The following PHKB variants were observed in gnomAD, a reference collection of about 807,000 sequenced individuals.
PHKB encodes phosphorylase b kinase regulatory subunit beta.
Under a neutral mutation model 152.1 loss-of-function variants are expected in PHKB, and 122 were observed. The ratio of observed to expected loss-of-function variants is 0.80; its 90% confidence interval spans 0.69 to 0.93. The LOEUF (loss-of-function observed/expected upper bound fraction) is 0.93. Among genes scored for constraint, PHKB ranks in the 40% least tolerant of loss-of-function variants. The pLI is 0.00. For synonymous variants in PHKB, 436 were observed against 464.9 expected (o/e 0.94, Z 0.80); for missense variants, 1,304 against 1,328.4 (o/e 0.98, Z 0.29).
intron 13 of PHKB, among the ~76,000 whole-genome samples, chr16:47,600,078 T>C (rs1972194855): frequency 6.6e-6 from 1 of 152,206 alleles, no homozygotes; most frequent in Non-Finnish European, 1.5e-5. Flanking sequence ...TTTAAAAATA[T>C]AGTATATGAC....
At chr16:47,490,973 G>T (rs552102185) in intron 1 of PHKB, among the ~76,000 whole-genome samples, 2 of 152,076 alleles carry the variant, frequency 1.3e-5, no homozygotes, top group African/African-American at 4.8e-5. Context: ...TTTAACCCTA[G>T]CCAATACTTT....
chr16:47,589,492 T>C (rs962075039), intron 10 of PHKB, among the ~76,000 whole-genome samples: 5 of 152,236 alleles, frequency 3.3e-5, no homozygotes, highest in African/African-American at 9.6e-5. Context: ...TATATAATAT[T>C]AAATACCTGT....
chr16:47,576,413 A>G (rs535274437), intron 7 of PHKB, among the ~76,000 whole-genome samples: 3 of 152,296 alleles, frequency 2.0e-5, no homozygotes, highest in Non-Finnish European at 1.5e-5. Context: ...CTACTTAGTC[A>G]TGGTGATAAT....
chr16:47,556,828 A>C (rs1971379639), intron 7 of PHKB, among the ~76,000 whole-genome samples: 1 of 152,212 alleles, frequency 6.6e-6, no homozygotes, highest in Admixed American at 6.5e-5. Flanking sequence ...TGATTGGAAT[A>C]GCTTCAGAAG....
At chr16:47,464,165 T>C (rs1969626558) in intron 1 of PHKB, 1 of 629,178 alleles carries the variant, frequency 1.6e-6, no homozygotes. Context: ...GAATGTGGCC[T>C]ATTGTGTTCT....
chr16:47,622,237 A>G (rs771633760), intron 14 of PHKB, among the ~76,000 whole-genome samples: 1 of 152,208 alleles, frequency 6.6e-6, no homozygotes, highest in Non-Finnish European at 1.5e-5. Context: ...TTGTGAACTT[A>G]ACCTGAAATT....
At chr16:47,539,462 C>A (rs554460013) in intron 6 of PHKB, among the ~76,000 whole-genome samples, 1 of 151,800 alleles carries the variant, frequency 6.6e-6, no homozygotes, top group Non-Finnish European at 1.5e-5. Context: ...ATGTTTTATA[C>A]TTGTCTTAGT....
intron 1 of PHKB, among the ~76,000 whole-genome samples, chr16:47,478,466 A>ATTTTTTTT (rs199656987): frequency 7.8e-6 from 1 of 127,894 alleles, no homozygotes; most frequent in African/African-American, 3.1e-5. Context: ...TTGCTGTGAA[A>ATTTTTTTT]TTTTTTTTTT....
chr16:47,672,997 T>G (rs1197220093), intron 26 of PHKB, among the ~76,000 whole-genome samples: 1 of 152,152 alleles, frequency 6.6e-6, no homozygotes, highest in Non-Finnish European at 1.5e-5. Flanking sequence ...ATTCTGGAAT[T>G]GTGGCATTAT....
At chr16:47,472,781 CA>C (rs1268563711) in intron 1 of PHKB, among the ~76,000 whole-genome samples, 5 of 142,212 alleles carry the variant, frequency 3.5e-5, no homozygotes, top group South Asian at 2.2e-4. Context: ...GACTCCATCT[CA>C]AAAAAAAAAC....
chr16:47,472,314 A>G (rs1048400433), intron 1 of PHKB, among the ~76,000 whole-genome samples: 4 of 152,168 alleles, frequency 2.6e-5, no homozygotes, highest in African/African-American at 9.7e-5. Flanking sequence ...CAATTAAGAC[A>G]TATCTTTTAT....
At chr16:47,576,621 T>C (rs1597097773) in intron 7 of PHKB, among the ~76,000 whole-genome samples, 1 of 152,354 alleles carries the variant, frequency 6.6e-6, no homozygotes, top group East Asian at 1.9e-4. Flanking sequence ...GTCAGTTTTA[T>C]TTCACACATT....
intron 14 of PHKB, among the ~76,000 whole-genome samples, chr16:47,629,983 A>G (rs1972794538): frequency 1.4e-5 from 2 of 144,850 alleles, no homozygotes; most frequent in Admixed American, 1.4e-4. Context: ...ATGAGAACAC[A>G]TGGACACAGG....
chr16:47,473,487 T>C (rs1969816249), intron 1 of PHKB, among the ~76,000 whole-genome samples: 1 of 152,072 alleles, frequency 6.6e-6, no homozygotes, highest in South Asian at 2.1e-4. Context: ...TGTTGCTGTT[T>C]TTTATTTTAT....
At chr16:47,510,820 T>C (rs1970498025) in intron 4 of PHKB, among the ~76,000 whole-genome samples, 2 of 152,204 alleles carry the variant, frequency 1.3e-5, no homozygotes, top group African/African-American at 4.8e-5. Context: ...TTATCATCAC[T>C]TATTTCTCTT....
At chr16:47,631,352 G>A (rs1285007057) in intron 14 of PHKB, among the ~76,000 whole-genome samples, 2 of 152,176 alleles carry the variant, frequency 1.3e-5, no homozygotes, top group African/African-American at 4.8e-5. Flanking sequence ...TAAAATGGGA[G>A]TTCTTGTGAG....
intron 6 of PHKB, among the ~76,000 whole-genome samples, chr16:47,525,819 C>T (rs946603930): frequency 6.6e-6 from 1 of 152,070 alleles, no homozygotes; most frequent in Non-Finnish European, 1.5e-5. Flanking sequence ...GGGAGTTGTA[C>T]CAGAGGACAG....
At chr16:47,649,922 CAGAT>C (rs367864790) in intron 18 of PHKB, among the ~76,000 whole-genome samples, 35 of 151,976 alleles carry the variant, frequency 2.3e-4, no homozygotes, top group African/African-American at 3.9e-4. Context: ...GATTGATTGA[CAGAT>C]AGATAGATAG....
chr16:47,672,456 A>G (rs1220645355), intron 26 of PHKB, among the ~76,000 whole-genome samples: 4 of 152,186 alleles, frequency 2.6e-5, no homozygotes, highest in African/African-American at 9.6e-5. Flanking sequence ...CTATTGTCAC[A>G]GACTCAGGCA....
Sources: gnomAD v4.1 joint callset for allele counts (sites outside exome capture counted in the v4.1 genomes callset) on GRCh38, gnomAD v4.1.1 for gene constraint, MANE v1.5 for transcripts, NCBI Gene and HGNC (gene_info 2026-07-23, HGNC 2026-07-21) for gene names.